DIAPH1: variants seen among roughly 807,000 people sequenced by gnomAD.
DIAPH1 encodes the protein diaphanous related formin 1, also known as protein diaphanous homolog 1.
In DIAPH1, 46 loss-of-function variants were observed where a neutral mutation model predicts 140.7. The ratio of observed to expected loss-of-function variants is 0.33; its 90% CI spans 0.26 to 0.42. The LOEUF is 0.42. Ranked by LOEUF, DIAPH1 falls within the 10% of genes least tolerant of loss-of-function variation. DIAPH1 has a pLI of 1.00. For synonymous variants in DIAPH1, 565 were observed against 551.6 expected (o/e 1.02, Z -0.34); for missense variants, 1,310 against 1,558.7 (o/e 0.84, Z 2.69).
chr5:141,545,813 G>A (rs1368310114), intron 18 of DIAPH1, among the ~76,000 whole-genome samples: 1 of 152,154 alleles, frequency 6.6e-6, no homozygotes, highest in Non-Finnish European at 1.5e-5. Context: ...TATGAAAATA[G>A]TCATTGACAA....
chr5:141,541,355 G>C (rs892715115), intron 18 of DIAPH1, among the ~76,000 whole-genome samples: 3 of 152,174 alleles, frequency 2.0e-5, no homozygotes, highest in Admixed American at 6.5e-5. Context: ...ACAAGGTAAA[G>C]ATGTTTGCTC....
rs200735096 is a variant in DIAPH1, at chr5:141,573,865, C to T, written c.1985G>A (p.Gly662Asp). Residue 662 changes from glycine (G) to aspartate (D), a missense_variant, in exon 16 of 28, where the codon GGC becomes GAC. By Grantham distance (94) the Gly-to-Asp change is moderately conservative. Transcript: ENST00000389054. Reference protein sequence around the residue: ...PPPPPLPEGVGIPSPSSLPGG... With the variant: ...PPPPPLPEGVDIPSPSSLPGG... ...AGGCAAAGAAGAGGGTGAAGGGATG[C>T]CAACACCCTCAGGCAAAGGAGGGGG... is the stretch of plus-strand genomic sequence containing the variant. 2,410 of 1,532,482 alleles carry T rather than the reference C, an allele frequency of 1.6e-3. 15 individuals are homozygous for T. Among genetic ancestry groups the T allele is most frequent in the Non-Finnish European group, 1.3e-3 (1,478 of 1,138,396 alleles). The allele number at this position is 1,532,482 out of a possible 1,614,324, so 94.9% of individuals were successfully genotyped here. A position where few individuals can be genotyped will look rare whatever the true frequency, so the allele number is the denominator to read the frequency against.
chr5:141,608,530 C>T (rs2099901299), intron 1 of DIAPH1, among the ~76,000 whole-genome samples: 2 of 152,172 alleles, frequency 1.3e-5, no homozygotes, highest in Admixed American at 1.3e-4. Flanking sequence ...TCTTAAAGAG[C>T]AAGAACTGAA....
Position 141,615,039 on chromosome 5 carries a change from C to T in DIAPH1, c.117+3759G>A, listed in dbSNP as rs140525933. 8.0e-4 allele frequency among the ~76,000 whole-genome samples: 122 copies of T among 152,286 alleles called. 2 individuals carry two copies. Among genetic ancestry groups the T allele is most frequent in the African/African-American group, 2.8e-3 (117 of 41,546 alleles). ...AGGAGTCTACTACTAAACATTTATA[C>T]TCTATTACTTTGCATTTAGAAGACC... On this transcript the variant is annotated intron_variant, in intron 1 of 27. Coordinates refer to ENST00000389054, the MANE Select transcript of DIAPH1 (RefSeq NM_005219.5).
At chr5:141,529,466 G>T in intron 20 of DIAPH1, 137 bp downstream of exon 20, 2 of 949,854 alleles carry the variant, frequency 2.1e-6, no homozygotes, top group Non-Finnish European at 3.4e-6. Context: ...CTGACCACCA[G>T]AGAAAAGGCA....
At position 141,573,774 on chromosome 5, in the gene DIAPH1, AGGT is replaced by A. The variant is rs1368022066; in HGVS notation, c.2073_2075del (p.Pro693del). 3.8e-6 allele frequency: 4 copies of A among 1,043,162 alleles called. No individual in the cohort carries two copies. Among genetic ancestry groups the A allele is most frequent in the South Asian group, 1.8e-5 (1 of 56,122 alleles). 64.6% of individuals were successfully genotyped at this position (1,043,162 alleles called of 1,614,324 possible). On this transcript the variant is annotated inframe_deletion, in exon 16 of 28. Coordinates refer to ENST00000389054, the MANE Select transcript of DIAPH1 (RefSeq NM_005219.5). ...GAATTCCAGCACTCCCAGGCAAAGG[AGGT>A]GGTGGTGGGGGGATTCTAGCACTCC... is the stretch of plus-strand genomic sequence containing the variant.
At chr5:141,592,094 AAAG>A (rs2099898580) in intron 1 of DIAPH1, among the ~76,000 whole-genome samples, 1 of 150,812 alleles carries the variant, frequency 6.6e-6, no homozygotes, top group African/African-American at 2.5e-5. Flanking sequence ...AAAAAAAAAA[AAAG>A]AAAGAAAGAA....
chr5:141,581,227 C>T lies in DIAPH1; in HGVS notation c.685-344G>A, dbSNP rs575633756. ...GATGCATCTACAAGATAAGGAGTGC[C>T]AAGGATTGCCAACAAGCTACCAGAA... On this transcript the variant is annotated intron_variant, in intron 7 of 27. Coordinates refer to ENST00000389054, the MANE Select transcript of DIAPH1 (RefSeq NM_005219.5). Among the ~76,000 whole-genome samples, 177 of 152,096 alleles carry T rather than the reference C, an allele frequency of 1.2e-3. 2 individuals are homozygous for T. The highest frequency in any genetic ancestry group is 3.4e-3 in the Middle Eastern group (1 of 294).
chr5:141,579,299 C>T, intron 8 of DIAPH1, 103 bp from the exon 9 acceptor site: 1 of 871,718 alleles, frequency 1.1e-6, no homozygotes, highest in Non-Finnish European at 2.0e-6. Context: ...GGAAACAGGA[C>T]ATTATCAGTG....
intron 1 of DIAPH1, among the ~76,000 whole-genome samples, chr5:141,605,909 C>A (rs540551808): frequency 2.0e-5 from 3 of 152,202 alleles, no homozygotes; most frequent in African/African-American, 7.2e-5. Context: ...AACGAACAGC[C>A]CTGGCGGATG....
intron 18 of DIAPH1, among the ~76,000 whole-genome samples, chr5:141,569,699 CT>C (rs2099894870): frequency 6.6e-6 from 1 of 152,030 alleles, no homozygotes; most frequent in Non-Finnish European, 1.5e-5. Context: ...GAGGCGAAGG[CT>C]GCAGTGAGCA....
chr5:141,617,862 T>C (rs1483357902), intron 1 of DIAPH1, among the ~76,000 whole-genome samples: 3 of 152,182 alleles, frequency 2.0e-5, no homozygotes, highest in Non-Finnish European at 4.4e-5. Flanking sequence ...AACTGGCACT[T>C]GAGGAAAGCT....
chr5:141,582,477 C>CT, intron 6 of DIAPH1, 102 bp from the exon 7 acceptor site: 2 of 844,600 alleles, frequency 2.4e-6, no homozygotes, highest in Non-Finnish European at 4.1e-6. Context: ...CCCCATCTAG[C>CT]AGATGAGTAA....
chr5:141,550,295 G>A (rs1305517843), intron 18 of DIAPH1, among the ~76,000 whole-genome samples: 2 of 152,148 alleles, frequency 1.3e-5, no homozygotes, highest in Non-Finnish European at 2.9e-5. Flanking sequence ...TGATGGACAC[G>A]TTAAGGTCAC....
At chr5:141,560,096 G>A (rs1477283697) in intron 18 of DIAPH1, among the ~76,000 whole-genome samples, 2 of 152,130 alleles carry the variant, frequency 1.3e-5, no homozygotes, top group African/African-American at 2.4e-5. Flanking sequence ...ATTTCCAGCT[G>A]TCTCAACTGT....
chr5:141,615,604 G>C (rs565387876), intron 1 of DIAPH1, among the ~76,000 whole-genome samples: 12 of 151,990 alleles, frequency 7.9e-5, no homozygotes, highest in Non-Finnish European at 1.6e-4. Context: ...TTAGCCAGGC[G>C]TGGTGGCAGG....
intron 1 of DIAPH1, among the ~76,000 whole-genome samples, chr5:141,601,216 T>TA (rs1170999929): frequency 6.9e-6 from 1 of 144,548 alleles, no homozygotes; most frequent in East Asian, 2.0e-4. Flanking sequence ...CCCTAGAACT[T>TA]AAAGTATAAT....
intron 18 of DIAPH1, among the ~76,000 whole-genome samples, chr5:141,543,483 A>C (rs944077347): frequency 1.3e-5 from 2 of 152,218 alleles, no homozygotes; most frequent in Non-Finnish European, 2.9e-5. Context: ...TCCCTGACTT[A>C]AGATAATTCA....
At chr5:141,579,046 T>C (rs1234277755) in intron 9 of DIAPH1, 42 bp downstream of exon 9, 2 of 1,436,224 alleles carry the variant, frequency 1.4e-6, no homozygotes, top group East Asian at 2.3e-5. Context: ...TCTGTCCATC[T>C]TGAATTCTAT....
Sources: gnomAD v4.1 joint callset for allele counts (sites outside exome capture counted in the v4.1 genomes callset) on GRCh38, gnomAD v4.1.1 for gene constraint, MANE v1.5 for transcripts, NCBI Gene and HGNC (gene_info 2026-07-23, HGNC 2026-07-21) for gene names.